Variants in TENM3 observed in about 807,000 individuals in gnomAD.
TENM3 encodes the protein teneurin-3.
In TENM3, 63 loss-of-function variants were observed where a neutral mutation model predicts 255.1. The ratio of observed to expected loss-of-function variants is 0.25; its 90% CI spans 0.20 to 0.30. The LOEUF (loss-of-function observed/expected upper bound fraction) is 0.30, where lower values mean the gene tolerates loss of function less well. Among genes scored for constraint, TENM3 ranks in the 10% least tolerant of loss-of-function variants. TENM3 has a pLI of 1.00. For synonymous variants in TENM3, 1,306 were observed against 1,322.3 expected, an observed-to-expected ratio of 0.99 and a Z score of 0.27; for missense variants, 2,929 against 3,461.1, an observed-to-expected ratio of 0.85 and a Z score of 3.86.
At chr4:182,202,197 G>T (rs959181526) in intron 1 of TENM3, among the ~76,000 whole-genome samples, 2 of 152,146 alleles carry the variant, frequency 1.3e-5, no homozygotes, top group East Asian at 3.8e-4. Flanking sequence ...TGGAACGTGG[G>T]CTTGTGAGTG....
the TENM3 span, among the ~76,000 whole-genome samples, chr4:181,735,016 T>C: frequency 6.6e-6 from 1 of 152,142 alleles, no homozygotes; most frequent in Non-Finnish European, 1.5e-5. Flanking sequence ...AATTAACAAG[T>C]ATGAATGAGG....
At chr4:182,670,806 A>G (rs1755134811) in intron 6 of TENM3, among the ~76,000 whole-genome samples, 1 of 152,128 alleles carries the variant, frequency 6.6e-6, no homozygotes, top group African/African-American at 2.4e-5. Flanking sequence ...GTTTCTCTTG[A>G]TTATATACAC....
the TENM3 span, among the ~76,000 whole-genome samples, chr4:181,947,253 T>G: frequency 3.3e-5 from 5 of 152,242 alleles, no homozygotes. Context: ...CTATGCTACG[T>G]ACACTTGTGA....
At chr4:181,677,786 A>G in the TENM3 span, among the ~76,000 whole-genome samples, 2 of 152,028 alleles carry the variant, frequency 1.3e-5, no homozygotes, top group African/African-American at 4.8e-5. Context: ...CTGGAGTCTC[A>G]TTTCATACTC....
chr4:181,904,312 G>A, the TENM3 span, among the ~76,000 whole-genome samples: 2 of 151,848 alleles, frequency 1.3e-5, no homozygotes, highest in East Asian at 3.9e-4. Context: ...GACCCACCTA[G>A]CAGCCTTTTA....
At chr4:181,671,158 A>G in the TENM3 span, among the ~76,000 whole-genome samples, 3 of 152,184 alleles carry the variant, frequency 2.0e-5, no homozygotes, top group Non-Finnish European at 2.9e-5. Context: ...TATGAGGTGG[A>G]GTAAATTAGA....
chr4:182,051,286 T>C, the TENM3 span, among the ~76,000 whole-genome samples: 1 of 150,010 alleles, frequency 6.7e-6, no homozygotes, highest in Non-Finnish European at 1.5e-5. Flanking sequence ...GAGGTTGCAG[T>C]GAGCTGAGAT....
the TENM3 span, among the ~76,000 whole-genome samples, chr4:181,493,131 T>C: frequency 3.9e-5 from 6 of 151,928 alleles, no homozygotes; most frequent in Middle Eastern, 3.4e-3. Context: ...AACTCATGCA[T>C]CAAAACAGCC....
At chr4:181,612,523 TCA>T in the TENM3 span, among the ~76,000 whole-genome samples, 120 of 137,712 alleles carry the variant, frequency 8.7e-4, 1 homozygote, top group Middle Eastern at 3.5e-3. Context: ...TGTGTGTGTG[TCA>T]GAGAGAGAGA....
intron 1 of TENM3, among the ~76,000 whole-genome samples, chr4:182,254,507 C>G (rs1001032516): frequency 1.3e-5 from 2 of 152,016 alleles, no homozygotes; most frequent in Admixed American, 1.3e-4. Context: ...ATGGCTTCCT[C>G]GAAAAAGACT....
At chr4:182,403,982 G>A (rs975920596) in intron 3 of TENM3, among the ~76,000 whole-genome samples, 3 of 152,160 alleles carry the variant, frequency 2.0e-5, no homozygotes, top group South Asian at 2.1e-4. Context: ...TTGGCTTCCC[G>A]AAGTGCTGAG....
chr4:181,865,070 A>G, the TENM3 span, among the ~76,000 whole-genome samples: 3 of 152,198 alleles, frequency 2.0e-5, no homozygotes, highest in African/African-American at 7.2e-5. Flanking sequence ...CACTATTCAA[A>G]TACTACTGGA....
At chr4:181,495,902 T>TAAAAAA in the TENM3 span, among the ~76,000 whole-genome samples, 9 of 116,842 alleles carry the variant, frequency 7.7e-5, no homozygotes, top group South Asian at 2.9e-4. Flanking sequence ...AGAGACAAAT[T>TAAAAAA]AAAAAAAAAA....
At chr4:182,629,122 A>C (rs1273359778) in intron 5 of TENM3, among the ~76,000 whole-genome samples, 1 of 152,182 alleles carries the variant, frequency 6.6e-6, no homozygotes, top group Non-Finnish European at 1.5e-5. Context: ...GACAAAAGCT[A>C]TAGGGTACAT....
chr4:181,929,868 G>A, the TENM3 span, among the ~76,000 whole-genome samples: 2 of 152,152 alleles, frequency 1.3e-5, no homozygotes, highest in African/African-American at 4.8e-5. Flanking sequence ...TCAGGATTAA[G>A]AAACCCATTC....
At chr4:182,648,939 T>C (rs145621995) in intron 5 of TENM3, among the ~76,000 whole-genome samples, 55 of 152,378 alleles carry the variant, frequency 3.6e-4, no homozygotes, top group African/African-American at 1.2e-3. Flanking sequence ...AAGTCCATTG[T>C]ATATCTGCAC....
At chr4:182,678,303 G>A (rs1755817287) in intron 7 of TENM3, among the ~76,000 whole-genome samples, 1 of 152,036 alleles carries the variant, frequency 6.6e-6, no homozygotes, top group South Asian at 2.1e-4. Context: ...AGTCACCAAT[G>A]TTCATGTCTA....
At chr4:182,619,631 C>T (rs1749907624) in intron 4 of TENM3, among the ~76,000 whole-genome samples, 1 of 146,286 alleles carries the variant, frequency 6.8e-6, no homozygotes, top group Non-Finnish European at 1.6e-5. Flanking sequence ...AATGCAGTTC[C>T]ACCGTTCTTG....
intron 3 of TENM3, chr4:182,449,158 GGCAGGGTCGCTC>G (rs1182501571): frequency 3.4e-5 from 6 of 176,256 alleles, no homozygotes; most frequent in African/African-American, 1.5e-4. Context: ...CTCCCCGCGC[GGCAGGGTCGCTC>G]GCTCGCTCCG....
Sources: gnomAD v4.1 joint callset for allele counts (sites outside exome capture counted in the v4.1 genomes callset) on GRCh38, gnomAD v4.1.1 for gene constraint, MANE v1.5 for transcripts, NCBI Gene and HGNC (gene_info 2026-07-23, HGNC 2026-07-21) for gene names.